The following SNAPC3 variants were observed in gnomAD, a reference collection of about 807,000 sequenced individuals.
SNAPC3 encodes the protein snRNA-activating protein complex subunit 3.
Under a neutral mutation model 47.7 loss-of-function variants are expected in SNAPC3, and 56 were observed. The observed-to-expected ratio is 1.18, with a 90% CI of 0.95 to 1.47. The LOEUF is 1.47. SNAPC3 is among the 40% of genes most tolerant of loss of function. The pLI is 0.00. For synonymous variants in SNAPC3, 235 were observed against 189.9 expected (o/e 1.24, Z -1.95); for missense variants, 665 against 511.3 (o/e 1.30, Z -2.90).
chr9:15,453,359 C>G lies in SNAPC3; in HGVS notation c.980+154C>G, dbSNP rs139342406. 1.1e-3 allele frequency: 581 copies of G among 537,110 alleles called. 6 individuals carry two copies. The highest frequency in any genetic ancestry group is 0.01 in the African/African-American group (522 of 51,448). 33.3% of individuals were successfully genotyped at this position (537,110 alleles called of 1,614,324 possible). A position where few individuals can be genotyped will look rare whatever the true frequency, so the allele number is the denominator to read the frequency against. ...GCAAAAATACTGTCTTCTTTCCATGCAAATACCAACTCTTTCCATCCATTT... is the reference window on the plus strand; with the variant it reads ...GCAAAAATACTGTCTTCTTTCCATGGAAATACCAACTCTTTCCATCCATTT... On this transcript the variant is annotated intron_variant, in intron 7 of 8. Coordinates refer to ENST00000380821, the MANE Select transcript of SNAPC3 (RefSeq NM_001039697.2).
At chr9:15,442,471 G>T (rs1352361483) in intron 3 of SNAPC3, among the ~76,000 whole-genome samples, 1 of 151,154 alleles carries the variant, frequency 6.6e-6, no homozygotes, top group Non-Finnish European at 1.5e-5. Context: ...GCTGCTGGGC[G>T]GAGGGGCTCC....
chr9:15,425,301 T>A (rs1226168035), intron 2 of SNAPC3, among the ~76,000 whole-genome samples: 1 of 152,050 alleles, frequency 6.6e-6, no homozygotes, highest in African/African-American at 2.4e-5. Flanking sequence ...TCACTGCAAC[T>A]TCTGCCTCCG....
chr9:15,450,021 C>A (rs144310349), intron 5 of SNAPC3, among the ~76,000 whole-genome samples: 1 of 152,180 alleles, frequency 6.6e-6, no homozygotes, highest in African/African-American at 2.4e-5. Flanking sequence ...TATTAAACTT[C>A]ATTTTGTTTC....
chr9:15,435,844 C>T (rs1199008326), intron 3 of SNAPC3, among the ~76,000 whole-genome samples: 59 of 123,802 alleles, frequency 4.8e-4, no homozygotes, highest in African/African-American at 1.2e-3. Context: ...ACTTTTCTTT[C>T]TTTTTTTTTT....
At chr9:15,434,553 G>A (rs531098074) in intron 3 of SNAPC3, among the ~76,000 whole-genome samples, 2 of 152,048 alleles carry the variant, frequency 1.3e-5, no homozygotes, top group African/African-American at 2.4e-5. Context: ...GATTATAGGT[G>A]CCTGCCACCA....
intron 3 of SNAPC3, among the ~76,000 whole-genome samples, chr9:15,442,309 C>T (rs1436516819): frequency 6.6e-6 from 1 of 151,090 alleles, no homozygotes; most frequent in South Asian, 2.1e-4. Context: ...CCCCACCTCC[C>T]TCCCGGACAG....
intron 2 of SNAPC3, among the ~76,000 whole-genome samples, chr9:15,429,273 GAA>G (rs1417716373): frequency 6.6e-6 from 1 of 152,122 alleles, no homozygotes; most frequent in African/African-American, 2.4e-5. Context: ...CAAGGTTATA[GAA>G]AAAGAGTTTT....
chr9:15,453,857 T>C (rs895477809), intron 7 of SNAPC3, among the ~76,000 whole-genome samples: 1 of 152,222 alleles, frequency 6.6e-6, no homozygotes, highest in Non-Finnish European at 1.5e-5. Flanking sequence ...TAAAAGTTTT[T>C]TGTGGAACAA....
Position 15,433,633 on chromosome 9 carries a change from G to T in SNAPC3, c.474G>T (p.Glu158Asp). 6.3e-7 allele frequency: 1 copy of T among 1,580,642 alleles called. No homozygotes were observed. The highest frequency in any genetic ancestry group is 8.7e-7 in the Non-Finnish European group (1 of 1,152,412). Residue 158 changes from glutamate to aspartate, a missense_variant, in exon 3 of 9, where the codon GAG (glutamate) becomes GAT (aspartate). Coordinates refer to ENST00000380821, the MANE Select transcript of SNAPC3 (RefSeq NM_001039697.2). ...GCAGACAAGAAACATTCGTTTATGA[G>T]ATGGTAATTAAGAGTCTCATCTTTT... ...RACRQETFVY[E>D]MESHAIGKKP...
chr9:15,453,374 T>A, intron 7 of SNAPC3, 169 bp downstream of exon 7: 2 of 531,188 alleles, frequency 3.8e-6, no homozygotes, highest in Non-Finnish European at 6.6e-6. Context: ...ACCAACTCTT[T>A]CCATCCATTT....
At chr9:15,430,277 A>T (rs1246025930) in intron 2 of SNAPC3, among the ~76,000 whole-genome samples, 1 of 152,134 alleles carries the variant, frequency 6.6e-6, no homozygotes, top group Admixed American at 6.6e-5. Context: ...CAAAAAATAA[A>T]AACAATTAGC....
rs2035073900 is a variant in SNAPC3, at chr9:15,459,889, AC to A, written c.*28del. On this transcript the variant is annotated 3_prime_UTR_variant, in exon 9 of 9. Coordinates refer to ENST00000380821, the MANE Select transcript of SNAPC3 (RefSeq NM_001039697.2). ...TAAGAATAGCTACACTCACAAAAATACCCCCTCATGAAATAACTGTTCTCTT... is the reference window on the plus strand; with the variant it reads ...TAAGAATAGCTACACTCACAAAAATACCCCTCATGAAATAACTGTTCTCTT... The A allele has an allele frequency of 6.3e-7, 1 of 1,596,640 alleles. No individual in the cohort carries two copies. Among genetic ancestry groups the A allele is most frequent in the Non-Finnish European group, 8.5e-7 (1 of 1,170,024 alleles).
chr9:15,455,768 A>G, intron 7 of SNAPC3, among the ~76,000 whole-genome samples: 1 of 150,640 alleles, frequency 6.6e-6, no homozygotes. Context: ...GCATGATCTC[A>G]GCTCACCGCA....
At chr9:15,453,711 T>C (rs1344485815) in intron 7 of SNAPC3, 1 of 152,406 alleles carries the variant, frequency 6.6e-6, no homozygotes, top group Admixed American at 6.5e-5. Flanking sequence ...TTATAAATTT[T>C]AGACAGCTAA....
chr9:15,447,061 C>CT, intron 4 of SNAPC3, 34 bp from the exon 5 acceptor site: 1 of 1,595,176 alleles, frequency 6.3e-7, no homozygotes, highest in Non-Finnish European at 8.6e-7. Flanking sequence ...CGCTTTGTCT[C>CT]TAAATGAACA....
downstream of SNAPC3, chr9:15,463,669 T>TATC (rs1186624848): frequency 1.3e-5 from 2 of 151,480 alleles, no homozygotes; most frequent in East Asian, 3.9e-4. Flanking sequence ...TCTGAGAAGT[T>TATC]ATCTGTAAAT....
intron 1 of SNAPC3, 29 bp downstream of exon 1, chr9:15,423,222 G>C: frequency 1.3e-6 from 2 of 1,547,660 alleles, no homozygotes; most frequent in Non-Finnish European, 1.7e-6. Flanking sequence ...GGCTCTTGCA[G>C]CTTGGGGTCA....
intron 3 of SNAPC3, among the ~76,000 whole-genome samples, chr9:15,436,070 C>T (rs1287158348): frequency 6.6e-6 from 1 of 152,146 alleles, no homozygotes; most frequent in Non-Finnish European, 1.5e-5. Flanking sequence ...TCTCGAACTC[C>T]TGACCTCAGG....
intron 7 of SNAPC3, among the ~76,000 whole-genome samples, chr9:15,453,806 C>A (rs1776742775): frequency 6.6e-6 from 1 of 152,168 alleles, no homozygotes; most frequent in South Asian, 2.1e-4. Flanking sequence ...TACGAATAAA[C>A]CCTGCTCCAT....
Sources: gnomAD v4.1 joint callset for allele counts (sites outside exome capture counted in the v4.1 genomes callset) on GRCh38, gnomAD v4.1.1 for gene constraint, MANE v1.5 for transcripts, NCBI Gene and HGNC (gene_info 2026-07-23, HGNC 2026-07-21) for gene names.